GSG1L: variants seen among roughly 807,000 people sequenced by gnomAD.
GSG1L encodes GSG1 like, also known as germ cell-specific gene 1-like protein.
GSG1L carries 24 observed loss-of-function variants against 42.1 expected under a neutral mutation model. The observed-to-expected ratio is 0.57, with a 90% confidence interval of 0.41 to 0.80. The LOEUF is 0.80. Ranked by LOEUF, GSG1L falls within the 30% of genes least tolerant of loss-of-function variation. The pLI, the probability that GSG1L is intolerant of heterozygous loss-of-function variation, is 0.00. For missense variants in GSG1L, 445 were observed against 472.2 expected (o/e 0.94, Z 0.53); for synonymous variants, 215 against 203.5 (o/e 1.06, Z -0.48).
At chr16:27,999,313 C>T (rs771431229) in intron 1 of GSG1L, among the ~76,000 whole-genome samples, 13 of 152,054 alleles carry the variant, frequency 8.5e-5, no homozygotes, top group Non-Finnish European at 1.6e-4. Flanking sequence ...TGTGGTGGTG[C>T]ATGCCTGTAA....
chr16:27,909,327 CTTTCTTTCTT>C (rs988216440), intron 2 of GSG1L, among the ~76,000 whole-genome samples: 4 of 151,338 alleles, frequency 2.6e-5, no homozygotes, highest in African/African-American at 4.9e-5. Flanking sequence ...TCTTTTCTCT[CTTTCTTTCTT>C]TTTCTTTCTT....
chr16:28,011,295 G>A (rs2085714089), intron 1 of GSG1L, among the ~76,000 whole-genome samples: 1 of 152,216 alleles, frequency 6.6e-6, no homozygotes, highest in Non-Finnish European at 1.5e-5. Flanking sequence ...GAGCCTCCCA[G>A]CCCAGCCGCC....
chr16:27,944,290 T>C (rs542882336), intron 2 of GSG1L, among the ~76,000 whole-genome samples: 2 of 152,270 alleles, frequency 1.3e-5, no homozygotes, highest in East Asian at 1.9e-4. Flanking sequence ...CAAGAAAATG[T>C]AGTCTACCCA....
At chr16:27,873,618 A>T (rs541679810) in intron 3 of GSG1L, among the ~76,000 whole-genome samples, 3 of 152,362 alleles carry the variant, frequency 2.0e-5, no homozygotes, top group Non-Finnish European at 2.9e-5. Flanking sequence ...CAAAGGCAGA[A>T]GGGAGAAAAC....
rs528776323 is a variant in GSG1L, at chr16:27,841,654, C to T, written c.662+3296G>A. 5.9e-5 allele frequency among the ~76,000 whole-genome samples: 9 copies of T among 152,306 alleles called. No individual in the cohort carries two copies. In the East Asian group the frequency reaches 1.2e-3, roughly 20 times the overall value. On this transcript the variant is annotated intron_variant, in intron 4 of 6. Transcript: ENST00000447459. Reference sequence around the variant, plus strand: ...GGCCCCAAATGTGAGGGATGAAAAACGGGGCTGATCCATCTTGCAGGTCTC... The same window carrying T: ...GGCCCCAAATGTGAGGGATGAAAAATGGGGCTGATCCATCTTGCAGGTCTC...
intron 1 of GSG1L, among the ~76,000 whole-genome samples, chr16:28,044,292 GGAAAGAGA>G (rs1189185632): frequency 4.1e-5 from 6 of 148,004 alleles, no homozygotes; most frequent in African/African-American, 1.5e-4. Flanking sequence ...CAGGAGGATG[GGAAAGAGA>G]GAAAGAGAGA....
Position 27,890,853 on chromosome 16 carries a change from C to A in GSG1L, c.398-6215G>T, listed in dbSNP as rs543187099. On this transcript the variant is annotated intron_variant, in intron 2 of 6. Transcript: ENST00000447459. The stretch of plus-strand genomic sequence containing the variant: ...TTGGAGTCAACAGGATGCCTCTGAA[C>A]ACATGTGGGAAGTGGGATTCCAGGG... Among the ~76,000 whole-genome samples, 3 of 152,304 alleles carry A rather than the reference C, an allele frequency of 2.0e-5. No individual in the cohort carries two copies. The South Asian group carries it at 6.2e-4, about 32-fold the overall frequency.
At chr16:28,056,551 TG>T (rs34874949) in intron 1 of GSG1L, among the ~76,000 whole-genome samples, 87,820 of 146,958 alleles carry the variant, frequency 0.6, 28,029 homozygotes, top group Non-Finnish European at 0.71. Context: ...CACACCAATA[TG>T]GCACATGTAT....
chr16:27,858,850 A>C (rs955068845), intron 3 of GSG1L, among the ~76,000 whole-genome samples: 1 of 152,352 alleles, frequency 6.6e-6, no homozygotes, highest in South Asian at 2.1e-4. Flanking sequence ...CTGTGAAGGC[A>C]AAGAACGGGA....
At chr16:27,966,001 C>T (rs990185358) in intron 1 of GSG1L, among the ~76,000 whole-genome samples, 1 of 152,182 alleles carries the variant, frequency 6.6e-6, no homozygotes, top group African/African-American at 2.4e-5. Flanking sequence ...TTGCTCACTC[C>T]ACTCCTGTCA....
At chr16:27,896,092 A>T (rs1380239449) in intron 2 of GSG1L, among the ~76,000 whole-genome samples, 2 of 151,928 alleles carry the variant, frequency 1.3e-5, no homozygotes, top group African/African-American at 4.8e-5. Flanking sequence ...TCCCTAGCTG[A>T]CTCCAAAGCA....
intron 1 of GSG1L, among the ~76,000 whole-genome samples, chr16:27,991,977 G>A (rs2085462203): frequency 6.6e-6 from 1 of 152,138 alleles, no homozygotes; most frequent in African/African-American, 2.4e-5. Context: ...TCCAGGGGTG[G>A]AGCGTAAGAA....
intron 2 of GSG1L, among the ~76,000 whole-genome samples, chr16:27,961,218 G>A (rs779590595): frequency 7.9e-5 from 12 of 152,182 alleles, no homozygotes; most frequent in Middle Eastern, 3.2e-3. Context: ...GCATGCATGC[G>A]TGCACACACA....
chr16:28,062,286 A>AG (rs1233164551), intron 1 of GSG1L, among the ~76,000 whole-genome samples: 2 of 152,114 alleles, frequency 1.3e-5, no homozygotes, highest in Non-Finnish European at 2.9e-5. Flanking sequence ...AGGGTAGAGG[A>AG]GGGGGTCCAG....
At chr16:27,796,662 G>A (rs1229033605) in intron 6 of GSG1L, among the ~76,000 whole-genome samples, 1 of 152,186 alleles carries the variant, frequency 6.6e-6, no homozygotes, top group Admixed American at 6.5e-5. Flanking sequence ...GTGTCTTCTG[G>A]TCTACCTCAG....
At chr16:27,844,862 C>T (rs2083425856) in intron 4 of GSG1L, 88 bp downstream of exon 4, 1 of 310,512 alleles carries the variant, frequency 3.2e-6, no homozygotes, top group Non-Finnish European at 6.0e-6. Flanking sequence ...CCCCACCGCC[C>T]CCCACCCCAC....
chr16:27,945,644 C>A (rs972160449), intron 2 of GSG1L, among the ~76,000 whole-genome samples: 2 of 152,234 alleles, frequency 1.3e-5, no homozygotes, highest in African/African-American at 4.8e-5. Flanking sequence ...GCCGGTTCTG[C>A]GGAGCCAATT....
chr16:27,804,581 A>G (rs2082935209), intron 6 of GSG1L, among the ~76,000 whole-genome samples: 1 of 151,418 alleles, frequency 6.6e-6, no homozygotes, highest in African/African-American at 2.4e-5. Context: ...CAGCACCCAC[A>G]GGGCTGACGT....
intron 3 of GSG1L, among the ~76,000 whole-genome samples, chr16:27,851,156 G>C (rs917956364): frequency 2.0e-5 from 3 of 152,136 alleles, no homozygotes; most frequent in African/African-American, 7.2e-5. Flanking sequence ...TTACCCAAGA[G>C]AGCAGGAAGA....
Sources: allele counts gnomAD v4.1 joint callset (sites outside exome capture counted in the v4.1 genomes callset), GRCh38; gene constraint gnomAD v4.1.1; transcripts MANE v1.5; gene names NCBI Gene and HGNC (gene_info 2026-07-23, HGNC 2026-07-21).